NFKBIB: variants seen among roughly 807,000 people sequenced by gnomAD.
NFKBIB encodes the protein NF-kappa-B inhibitor beta.
NFKBIB carries 16 observed loss-of-function variants against 32.1 expected under a neutral mutation model. That is an observed-to-expected ratio of 0.50 (90% CI 0.34 to 0.76). The LOEUF is 0.76. Among genes scored for constraint, NFKBIB ranks in the 30% least tolerant of loss-of-function variants. The probability of loss-of-function intolerance (pLI) is 0.01; values close to 1 mark genes in which losing one functional copy is unlikely to be tolerated. For missense variants in NFKBIB, 437 were observed against 514.9 expected (o/e 0.85, Z 1.46); for synonymous variants, 222 against 219.5 (o/e 1.01, Z -0.10).
intron 1 of NFKBIB, among the ~76,000 whole-genome samples, 196 bp from the exon 2 acceptor site, chr19:38,904,819 T>G (rs909054006): frequency 2.0e-5 from 3 of 152,132 alleles, no homozygotes; most frequent in African/African-American, 4.8e-5. Flanking sequence ...TGGGCAGAAG[T>G]GGAAATCCCA....
chr19:38,907,319 A>G lies in NFKBIB; in HGVS notation c.708+10A>G, dbSNP rs369131977. On this transcript the variant is annotated intron_variant, in intron 4 of 5. Coordinates refer to ENST00000313582, the MANE Select transcript of NFKBIB (RefSeq NM_002503.5). ...TGACCTTGACAAACCGGTGAGCCCC[A>G]ACCTCGGGGAAGATGCCGTCGGCGG... The G allele has an allele frequency of 3.9e-5, 63 of 1,609,406 alleles. 1 individual carries two copies. Among genetic ancestry groups the G allele is most frequent in the Non-Finnish European group, 4.8e-5 (57 of 1,176,700 alleles).
At chr19:38,899,830 C>T, upstream of NFKBIB, 2 of 702,166 alleles carry the variant, frequency 2.8e-6, no homozygotes, top group Non-Finnish European at 4.7e-6. Context: ...AATGTGGGAA[C>T]GGCTAGAGAG....
At chr19:38,908,481 G>A (rs1233610003) in intron 5 of NFKBIB, 3 of 1,118,250 alleles carry the variant, frequency 2.7e-6, no homozygotes, top group South Asian at 7.1e-5. Flanking sequence ...GGAGGTTGCA[G>A]TGAACCTAGA....
intron 3 of NFKBIB, among the ~76,000 whole-genome samples, chr19:38,906,131 CTTTTTTTTTTT>C (rs11300670): frequency 1.0e-5 from 1 of 97,374 alleles, no homozygotes; most frequent in East Asian, 3.3e-4. Context: ...TACTTGGTAC[CTTTTTTTTTTT>C]TTTTTTTTTT....
chr19:38,903,495 C>T (rs1974027596), intron 1 of NFKBIB, among the ~76,000 whole-genome samples: 1 of 151,950 alleles, frequency 6.6e-6, no homozygotes, highest in Non-Finnish European at 1.5e-5. Flanking sequence ...ATCGTGTTGG[C>T]CAGGTTGGTC....
At chr19:38,908,634 A>G (rs1974229564) in intron 5 of NFKBIB, 97 bp from the exon 6 acceptor site, 18 of 1,434,726 alleles carry the variant, frequency 1.3e-5, no homozygotes, top group Middle Eastern at 2.6e-4. Context: ...TTGGGCTTTG[A>G]GGCGAGACCT....
At chr19:38,908,454 G>A (rs1399425569) in intron 5 of NFKBIB, 1 of 959,966 alleles carries the variant, frequency 1.0e-6, no homozygotes, top group East Asian at 4.3e-5. Context: ...TAGGAGAATT[G>A]CTTGAACCTG....
Position 38,905,496 on chromosome 19 carries a change from G to A in NFKBIB, c.580G>A (p.Glu194Lys). Reference protein sequence around the residue: ...DLEKEEEESEEDWKLQLEAEN... With the variant: ...DLEKEEEESEKDWKLQLEAEN... ...GGAGAAGGAAGAAGAGGAGAGTGAGGAGGACTGGAAGCTGCAGCTGGAGGC... is the reference window on the plus strand; with the variant it reads ...GGAGAAGGAAGAAGAGGAGAGTGAGAAGGACTGGAAGCTGCAGCTGGAGGC... Residue 194 changes from glutamate (E) to lysine (K), a missense_variant, in exon 3 of 6, where the codon GAG becomes AAG. Transcript: ENST00000313582. This position sits in a 1 kb window ranked among gnomAD's most constrained non-coding sequence, Gnocchi z 5.5. The A allele has an allele frequency of 6.2e-7, 1 of 1,613,184 alleles. No homozygotes were observed. Among genetic ancestry groups the A allele is most frequent in the East Asian group, 2.2e-5 (1 of 44,872 alleles).
At position 38,908,743 on chromosome 19, in the gene NFKBIB, G is replaced by A. The variant is rs759042553; in HGVS notation, c.982G>A (p.Asp328Asn). ...DSGDEGDEYDDIVVHSSRSQT... is the reference protein window; with the variant it reads ...DSGDEGDEYDNIVVHSSRSQT... ...CCTTTGCCCCCAGGATGAATACGAC[G>A]ACATTGTGGTTCACAGCAGCCGCAG... is the stretch of plus-strand genomic sequence containing the variant. Residue 328 changes from aspartate to asparagine, a missense_variant, in exon 6 of 6, where the codon GAC becomes AAC. Physicochemically the swap from Asp to Asn is conservative, Grantham distance 23 (BLOSUM62 1). Coordinates refer to ENST00000313582, the MANE Select transcript of NFKBIB (RefSeq NM_002503.5). 1.1e-5 allele frequency: 17 copies of A among 1,613,272 alleles called. No individual in the cohort carries two copies. Among genetic ancestry groups the A allele is most frequent in the Middle Eastern group, 1.7e-4 (1 of 5,978 alleles).
chr19:38,908,079 CAG>C, intron 5 of NFKBIB: 1 of 1,044,486 alleles, frequency 9.6e-7, no homozygotes, highest in Non-Finnish European at 1.2e-6. Flanking sequence ...GAGATATAGT[CAG>C]AGAACCCAGC....
At chr19:38,900,805 G>T (rs1257250002) in intron 1 of NFKBIB, among the ~76,000 whole-genome samples, 2 of 152,164 alleles carry the variant, frequency 1.3e-5, no homozygotes, top group African/African-American at 4.8e-5. Flanking sequence ...TCCAGGCTCC[G>T]TTTAGGTGCT....
intron 5 of NFKBIB, 44 bp from the exon 6 acceptor site, chr19:38,908,687 T>C: frequency 1.3e-6 from 2 of 1,579,026 alleles, no homozygotes; most frequent in Non-Finnish European, 1.7e-6. Context: ...GTGGGCAAAG[T>C]GACAGCCGCC....
chr19:38,904,432 A>G (rs17880526), intron 1 of NFKBIB, among the ~76,000 whole-genome samples: 14 of 152,088 alleles, frequency 9.2e-5, no homozygotes, highest in Non-Finnish European at 1.9e-4. Flanking sequence ...TCCGGAATAC[A>G]CAAGAGAACC....
chr19:38,907,601 A>G lies in NFKBIB; in HGVS notation c.911A>G (p.Glu304Gly). Residue 304 changes from glutamate (E) to glycine (G), a missense_variant, in exon 5 of 6, where the codon GAG (glutamate) becomes GGG (glycine). Transcript: ENST00000313582. ...RAHGAPEPEG[E>G]DEKSGPCSSS... is the part of the protein sequence containing the mutation. ...CACGGAGCCCCTGAGCCCGAGGGCG[A>G]GGACGAGAAATCCGGCCCCTGCAGC... 2 of 1,611,816 alleles carry G rather than the reference A, an allele frequency of 1.2e-6. No individual in the cohort carries two copies. The highest frequency in any genetic ancestry group is 2.2e-5 in the South Asian group (2 of 90,970).
chr19:38,900,515 C>T (rs917423812), intron 1 of NFKBIB, among the ~76,000 whole-genome samples: 1 of 152,224 alleles, frequency 6.6e-6, no homozygotes, highest in African/African-American at 2.4e-5. Context: ...AGAACTGTGG[C>T]TTCTCCTGAC....
chr19:38,904,103 A>ATAAC (rs1344326891), intron 1 of NFKBIB, among the ~76,000 whole-genome samples: 1 of 151,822 alleles, frequency 6.6e-6, no homozygotes, highest in Non-Finnish European at 1.5e-5. Context: ...AAATAAATAA[A>ATAAC]TAAATAAATA....
chr19:38,902,283 C>G (rs902006961), intron 1 of NFKBIB, among the ~76,000 whole-genome samples: 7 of 151,634 alleles, frequency 4.6e-5, no homozygotes, highest in Non-Finnish European at 8.8e-5. Context: ...GGGGTTTCAC[C>G]GTGGTCTTGA....
At chr19:38,908,016 C>T in intron 5 of NFKBIB, 2 of 1,124,914 alleles carry the variant, frequency 1.8e-6, no homozygotes, top group Admixed American at 4.5e-5. Flanking sequence ...CCTTGGGTGG[C>T]AGTGATTTGA....
chr19:38,899,948 T>C (rs1418206371), upstream of NFKBIB: 2 of 1,373,472 alleles, frequency 1.5e-6, no homozygotes, highest in Admixed American at 2.9e-5. Context: ...GTGGGGAATT[T>C]CCCGCAGGGC....
Sources: allele counts gnomAD v4.1 joint callset (sites outside exome capture counted in the v4.1 genomes callset), GRCh38; gene constraint gnomAD v4.1.1; non-coding constraint Gnocchi (gnomAD v3.1); transcripts MANE v1.5; gene names NCBI Gene and HGNC (gene_info 2026-07-23, HGNC 2026-07-21).